The following KIF13A variants were observed in gnomAD, a reference collection of about 807,000 sequenced individuals.
KIF13A encodes the protein kinesin family member 13A.
Under a neutral mutation model 212.2 loss-of-function variants are expected in KIF13A, and 79 were observed. That is an observed-to-expected ratio of 0.37 (90% CI 0.31 to 0.45). The LOEUF is 0.45. Among genes scored for constraint, KIF13A ranks in the 20% least tolerant of loss-of-function variants. The pLI, the probability that KIF13A is intolerant of heterozygous loss-of-function variation, is 1.00. For synonymous variants in KIF13A, 789 were observed against 808.6 expected (o/e 0.98, Z 0.41); for missense variants, 1,901 against 2,209.0 (o/e 0.86, Z 2.79).
At chr6:17,869,427 T>C (rs1378066817) in intron 4 of KIF13A, among the ~76,000 whole-genome samples, 1 of 152,204 alleles carries the variant, frequency 6.6e-6, no homozygotes, top group Non-Finnish European at 1.5e-5. Context: ...GCACTTTAAA[T>C]GAATACATTA....
rs567189816 is a variant in KIF13A at position 17,986,986 on chromosome 6, C to T, written c.146+68G>A. Reference sequence around the variant, plus strand: ...CAATAGGAAAGAGCACTCCCATTTTCCTGGCTCAAACTTGCGGGACCCCGC... The same window carrying T: ...CAATAGGAAAGAGCACTCCCATTTTTCTGGCTCAAACTTGCGGGACCCCGC... On this transcript the variant is annotated intron_variant, in intron 2 of 38. Transcript: ENST00000259711. The T allele has an allele frequency of 6.8e-6, 8 of 1,170,832 alleles. No homozygotes were observed. In the East Asian group the frequency reaches 1.7e-4, roughly 25 times the overall value. The allele number at this position is 1,170,832 out of a possible 1,614,324, so 72.5% of individuals were successfully genotyped here. A position where few individuals can be genotyped will look rare whatever the true frequency, so the allele number is the denominator to read the frequency against.
Position 17,895,246 on chromosome 6 carries a change from T to G in KIF13A, c.159+2922A>C, listed in dbSNP as rs1772455429. On this transcript the variant is annotated intron_variant, in intron 3 of 38. Coordinates refer to ENST00000259711, the MANE Select transcript of KIF13A (RefSeq NM_022113.6). This position sits in a 1 kb window ranked among gnomAD's most constrained non-coding sequence, Gnocchi z 4.4. ...GTTCCTGTCTAATAATTTGGTCATC[T>G]GAAGCATCTATGGGTCTATTTCTAA... 6.6e-6 allele frequency among the ~76,000 whole-genome samples: 1 copy of G among 152,242 alleles called. No homozygotes were observed. The highest frequency in any genetic ancestry group is 1.5e-5 in the Non-Finnish European group (1 of 68,050).
chr6:17,975,317 A>G (rs1016351446), intron 2 of KIF13A, among the ~76,000 whole-genome samples: 2 of 151,372 alleles, frequency 1.3e-5, no homozygotes, highest in Admixed American at 6.6e-5. Flanking sequence ...TGTGTTCCGA[A>G]TTAGTAGGTT....
chr6:17,771,302 A>C lies in KIF13A; in HGVS notation c.4477-84T>G. On this transcript the variant is annotated intron_variant, in intron 37 of 38. Coordinates refer to ENST00000259711, the MANE Select transcript of KIF13A (RefSeq NM_022113.6). This position sits in a 1 kb window ranked among gnomAD's most constrained non-coding sequence, Gnocchi z 5.4. ...ATATTAAGTACATGCAAGTTAGAAA[A>C]GCAATGCTAACACTCTTATTACATG... 1 of 837,330 alleles carries C rather than the reference A, an allele frequency of 1.2e-6. No homozygotes were observed. The allele number at this position is 837,330 out of a possible 1,614,324, so 51.9% of individuals were successfully genotyped here.
In KIF13A at chr6:17,831,445, T is replaced by C. The variant is rs554788876; in HGVS notation, c.1267-210A>G. Among the ~76,000 whole-genome samples, 25 of 151,878 alleles carry C rather than the reference T, an allele frequency of 1.6e-4. No individual in the cohort carries two copies. The South Asian group carries it at 4.8e-3, about 29-fold the overall frequency. On this transcript the variant is annotated intron_variant, in intron 12 of 38. Transcript: ENST00000259711. ...CACCAAGGATGAACCAGACACCATT[T>C]TGGCTCTTAAGGAGCTTAGAATCTA...
chr6:17,794,411 A>C lies in KIF13A; in HGVS notation c.3076-16T>G, dbSNP rs1449836244. The C allele has an allele frequency of 6.2e-7, 1 of 1,605,316 alleles. No homozygotes were observed. The highest frequency in any genetic ancestry group is 8.5e-7 in the Non-Finnish European group (1 of 1,173,518). ...GGGAATGACCCTGAAGAGGGTGGGGAGGAGTATGGGTGCCAGGAATGATAA... is the reference window on the plus strand; with the variant it reads ...GGGAATGACCCTGAAGAGGGTGGGGCGGAGTATGGGTGCCAGGAATGATAA... On this transcript the variant is annotated splice_polypyrimidine_tract_variant and intron_variant, in intron 24 of 38. Coordinates refer to ENST00000259711, the MANE Select transcript of KIF13A (RefSeq NM_022113.6). This position sits in a 1 kb window ranked among gnomAD's most constrained non-coding sequence, Gnocchi z 4.1.
At chr6:17,917,303 C>T (rs929895160) in intron 2 of KIF13A, among the ~76,000 whole-genome samples, 3 of 143,790 alleles carry the variant, frequency 2.1e-5, no homozygotes, top group Admixed American at 7.3e-5. Context: ...TACAGTGGCA[C>T]GACCTCAGCT....
At chr6:17,873,272 T>G in intron 4 of KIF13A, 105 bp downstream of exon 4, 1 of 740,394 alleles carries the variant, frequency 1.4e-6, no homozygotes, top group East Asian at 2.8e-5. Flanking sequence ...AGAACAGGTG[T>G]GAATTACACA....
chr6:17,927,465 T>C (rs1775584422), intron 2 of KIF13A, among the ~76,000 whole-genome samples: 1 of 152,054 alleles, frequency 6.6e-6, no homozygotes, highest in Non-Finnish European at 1.5e-5. Context: ...GTTAAATTCA[T>C]AGAGACAGAA....
Position 17,773,623 on chromosome 6 carries a change from T to A in KIF13A, c.4219-40A>T. ...TATGGGTTAACTGTAATTGAATCAC[T>A]CCAAAATAAGAAATAAAGCCCAGGT... is the stretch of plus-strand genomic sequence containing the variant. On this transcript the variant is annotated intron_variant, in intron 35 of 38. Coordinates refer to ENST00000259711, the MANE Select transcript of KIF13A (RefSeq NM_022113.6). The surrounding 1 kb of genome is among the most constrained non-coding windows in gnomAD (Gnocchi z 4.2). 1 of 1,177,422 alleles carries A rather than the reference T, an allele frequency of 8.5e-7. No homozygotes were observed. 72.9% of individuals were successfully genotyped at this position (1,177,422 alleles called of 1,614,324 possible). A position where few individuals can be genotyped will look rare whatever the true frequency, so the allele number is the denominator to read the frequency against.
At chr6:17,833,804 C>T (rs1039107628) in intron 12 of KIF13A, among the ~76,000 whole-genome samples, 157 bp downstream of exon 12, 3 of 138,094 alleles carry the variant, frequency 2.2e-5, no homozygotes, top group African/African-American at 8.0e-5. Context: ...TGCAGTGAGT[C>T]GAGATCACGC....
chr6:17,785,374 T>C lies in KIF13A; in HGVS notation c.3488+141A>G. The stretch of plus-strand genomic sequence containing the variant: ...GGAAGGAAAAAAAGGGATGGAAGCA[T>C]TAGAGATGAGTGGACATTCCCTAAG... On this transcript the variant is annotated intron_variant, in intron 28 of 38. Transcript: ENST00000259711. This position sits in a 1 kb window ranked among gnomAD's most constrained non-coding sequence, Gnocchi z 5.8. 3.2e-6 allele frequency: 3 copies of C among 944,298 alleles called. No individual in the cohort carries two copies. The highest frequency in any genetic ancestry group is 4.5e-6 in the Non-Finnish European group (3 of 671,598). 58.5% of individuals were successfully genotyped at this position (944,298 alleles called of 1,614,324 possible).
At chr6:17,815,512 T>A (rs1763847773) in intron 17 of KIF13A, 1 of 303,568 alleles carries the variant, frequency 3.3e-6, no homozygotes, top group African/African-American at 2.2e-5. Context: ...GCCTTACCAC[T>A]AGACCAGGGA....
Position 17,785,756 on chromosome 6 carries a change from A to AAT in KIF13A, c.3362-116_3362-115insAT, listed in dbSNP as rs1319047749. 3.6e-6 allele frequency: 4 copies of AAT among 1,117,442 alleles called. No individual in the cohort carries two copies. 69.2% of individuals were successfully genotyped at this position (1,117,442 alleles called of 1,614,324 possible). On this transcript the variant is annotated intron_variant, in intron 27 of 38. Transcript: ENST00000259711. This position sits in a 1 kb window ranked among gnomAD's most constrained non-coding sequence, Gnocchi z 5.8. ...AGTGAGACCCCATCTCTACCAAAAA[A>AAT]AAAAAAATAGTTGGGCAGGGTGGTG...
chr6:17,812,694 A>G (rs1248525091), intron 17 of KIF13A: 2 of 152,224 alleles, frequency 1.3e-5, no homozygotes, highest in African/African-American at 4.8e-5. Context: ...GTACATACCC[A>G]ATAGTGAGAT....
intron 12 of KIF13A, among the ~76,000 whole-genome samples, chr6:17,833,650 G>A (rs1425592379): frequency 2.0e-5 from 3 of 152,006 alleles, no homozygotes; most frequent in African/African-American, 7.2e-5. Context: ...GAGGTCAGGA[G>A]TTTGAGACCA....
intron 2 of KIF13A, among the ~76,000 whole-genome samples, chr6:17,910,203 A>T (rs1362484183): frequency 6.6e-6 from 1 of 152,240 alleles, no homozygotes; most frequent in Non-Finnish European, 1.5e-5. Flanking sequence ...ACATTTTAAA[A>T]TGTGCATTTA....
rs1021398939 is a variant in KIF13A at position 17,918,739 on chromosome 6, G to A, written c.147-20559C>T. On this transcript the variant is annotated intron_variant, in intron 2 of 38. Coordinates refer to ENST00000259711, the MANE Select transcript of KIF13A (RefSeq NM_022113.6). The surrounding 1 kb of genome is among the most constrained non-coding windows in gnomAD (Gnocchi z 4.8). ...CCCTCTCCAGGGCTTGCTCCTCAGA[G>A]GAGTGTTCCCCGTACTCCCTACATT... is the stretch of plus-strand genomic sequence containing the variant. 3.9e-5 allele frequency among the ~76,000 whole-genome samples: 6 copies of A among 152,128 alleles called. No individual in the cohort carries two copies. Among genetic ancestry groups the A allele is most frequent in the Non-Finnish European group, 8.8e-5 (6 of 68,032 alleles).
Position 17,763,805 on chromosome 6 carries a change from C to A in KIF13A, c.*305G>T. ...TTTGATGAAATATGGTAGATGCTAC[C>A]AGAACACTTTGGGAAAACTGGTAAC... On this transcript the variant is annotated 3_prime_UTR_variant, in exon 39 of 39. Transcript: ENST00000259711. 8.6e-7 allele frequency: 1 copy of A among 1,167,114 alleles called. No individual in the cohort carries two copies. The highest frequency in any genetic ancestry group is 1.1e-6 in the Non-Finnish European group (1 of 940,736). 72.3% of individuals were successfully genotyped at this position (1,167,114 alleles called of 1,614,324 possible). A position where few individuals can be genotyped will look rare whatever the true frequency, so the allele number is the denominator to read the frequency against.
Sources: allele counts gnomAD v4.1 joint callset (sites outside exome capture counted in the v4.1 genomes callset), GRCh38; gene constraint gnomAD v4.1.1; non-coding constraint Gnocchi (gnomAD v3.1); transcripts MANE v1.5; gene names NCBI Gene and HGNC (gene_info 2026-07-23, HGNC 2026-07-21).